The following TECRL variants were observed in gnomAD, a reference collection of about 807,000 sequenced individuals.
TECRL encodes trans-2,3-enoyl-CoA reductase-like.
Under a neutral mutation model 52.8 loss-of-function variants are expected in TECRL, and 63 were observed. That is an observed-to-expected ratio of 1.19 (90% CI 0.97 to 1.47). The LOEUF (loss-of-function observed/expected upper bound fraction) is 1.47, where lower values mean the gene tolerates loss of function less well. Among genes scored for constraint, TECRL ranks in the 40% most tolerant of loss-of-function variants. The pLI, the probability that TECRL is intolerant of heterozygous loss-of-function variation, is 0.00. For missense variants in TECRL, 482 were observed against 429.6 expected, an observed-to-expected ratio of 1.12 and a Z score of -1.08; for synonymous variants, 164 against 141.9, an observed-to-expected ratio of 1.16 and a Z score of -1.10.
intron 2 of TECRL, among the ~76,000 whole-genome samples, chr4:64,345,057 A>G (rs1445182190): frequency 2.0e-5 from 3 of 152,232 alleles, no homozygotes; most frequent in African/African-American, 4.8e-5. Flanking sequence ...TCAGGAAACA[A>G]CAAGTGCTGG....
chr4:64,288,864 C>T (rs1723223167), intron 9 of TECRL, among the ~76,000 whole-genome samples: 1 of 152,190 alleles, frequency 6.6e-6, no homozygotes, highest in African/African-American at 2.4e-5. Context: ...ATGACAGTGT[C>T]TGACTGCCCA....
chr4:64,348,298 A>G (rs1720138648), intron 2 of TECRL, among the ~76,000 whole-genome samples: 1 of 152,190 alleles, frequency 6.6e-6, no homozygotes, highest in Non-Finnish European at 1.5e-5. Flanking sequence ...GCCATTTATG[A>G]AACCATCAGA....
Position 64,299,965 on chromosome 4 carries a change from G to T in TECRL, c.774+9C>A. On this transcript the variant is annotated intron_variant, in intron 8 of 11. Coordinates refer to ENST00000381210, the MANE Select transcript of TECRL (RefSeq NM_001010874.5). ...AGCGTGAATAGCAAAATATATATAT[G>T]ATACATACCAGAAAATTGATAGCAG... 1.9e-6 allele frequency: 3 copies of T among 1,554,732 alleles called. No individual in the cohort carries two copies. The highest frequency in any genetic ancestry group is 1.2e-5 in the South Asian group (1 of 82,852).
rs140325703 is a variant in TECRL at position 64,340,304 on chromosome 4, G to A, written c.287-11748C>T. On this transcript the variant is annotated intron_variant, in intron 2 of 11. Coordinates refer to ENST00000381210, the MANE Select transcript of TECRL (RefSeq NM_001010874.5). ...GAGCAGGCATGACAATCACCCCACC[G>A]AACACAGCTGCAGCCACCCAAATCA... 6.6e-5 allele frequency among the ~76,000 whole-genome samples: 10 copies of A among 152,272 alleles called. 1 individual carries two copies. Among genetic ancestry groups the A allele is most frequent in the South Asian group, 4.2e-4 (2 of 4,818 alleles).
At chr4:64,333,886 C>T (rs563830148) in intron 2 of TECRL, among the ~76,000 whole-genome samples, 3 of 139,454 alleles carry the variant, frequency 2.2e-5, no homozygotes, top group East Asian at 2.0e-4. Flanking sequence ...TAGCCGGGCG[C>T]GGTGGCGGGC....
chr4:64,354,256 G>GA (rs201532606), intron 2 of TECRL, among the ~76,000 whole-genome samples: 1 of 152,036 alleles, frequency 6.6e-6, no homozygotes, highest in East Asian at 1.9e-4. Flanking sequence ...TGAAGTTGTA[G>GA]AAAAAACAAG....
chr4:64,286,890 C>G (rs1317709047), intron 9 of TECRL, among the ~76,000 whole-genome samples: 1 of 152,070 alleles, frequency 6.6e-6, no homozygotes, highest in Non-Finnish European at 1.5e-5. Flanking sequence ...TGCTAGTCAC[C>G]TAGATAAGAC....
chr4:64,340,222 T>C (rs1648863118), intron 2 of TECRL, among the ~76,000 whole-genome samples: 1 of 152,164 alleles, frequency 6.6e-6, no homozygotes, highest in Non-Finnish European at 1.5e-5. Context: ...AGGAGTTCCC[T>C]GGGTTCTACT....
intron 2 of TECRL, among the ~76,000 whole-genome samples, chr4:64,362,449 T>C (rs6843055): frequency 0.9 from 136,335 of 151,690 alleles, 61,920 homozygotes; most frequent in East Asian, 1. Flanking sequence ...ATAAAGGCAG[T>C]TACAGGAAAG....
chr4:64,295,885 A>T (rs1399835177), intron 8 of TECRL, among the ~76,000 whole-genome samples: 1 of 151,972 alleles, frequency 6.6e-6, no homozygotes. Flanking sequence ...ACTAGTTTGC[A>T]AAATAAATTT....
intron 9 of TECRL, among the ~76,000 whole-genome samples, chr4:64,283,320 A>T (rs1187035900): frequency 6.6e-6 from 1 of 152,020 alleles, no homozygotes; most frequent in African/African-American, 2.4e-5. Context: ...CAGAAAACCC[A>T]GCTTACATAG....
intron 2 of TECRL, among the ~76,000 whole-genome samples, chr4:64,359,963 T>G (rs1721056221): frequency 6.6e-6 from 1 of 152,148 alleles, no homozygotes; most frequent in South Asian, 2.1e-4. Context: ...AGTAAGAAAT[T>G]TAAGTGATGT....
At chr4:64,409,458 T>C, upstream of TECRL, 3 of 1,484,968 alleles carry the variant, frequency 2.0e-6, no homozygotes, top group Non-Finnish European at 2.7e-6. Flanking sequence ...GGTCAAATGG[T>C]ATGCCATTCC....
chr4:64,349,490 A>C (rs1167108999), intron 2 of TECRL, among the ~76,000 whole-genome samples: 1 of 152,192 alleles, frequency 6.6e-6, no homozygotes, highest in Non-Finnish European at 1.5e-5. Flanking sequence ...TTGCTTTGAA[A>C]TATGGAAGAG....
At chr4:64,306,959 A>G (rs1212485066) in intron 6 of TECRL, among the ~76,000 whole-genome samples, 2 of 152,294 alleles carry the variant, frequency 1.3e-5, no homozygotes, top group African/African-American at 4.8e-5. Flanking sequence ...CAAGGCAAAG[A>G]TTTGTTTCTG....
intron 6 of TECRL, 57 bp from the exon 7 acceptor site, chr4:64,305,295 A>T (rs1182008193): frequency 6.8e-7 from 1 of 1,472,510 alleles, no homozygotes; most frequent in African/African-American, 1.4e-5. Context: ...ATATATTTCA[A>T]TTGTGACATA....
rs1246185623 is a variant in TECRL, at chr4:64,409,434, G to A, written c.-83C>T. 1 of 1,534,936 alleles carries A rather than the reference G, an allele frequency of 6.5e-7. No homozygotes were observed. The highest frequency in any genetic ancestry group is 2.0e-5 in the Admixed American group (1 of 49,814). ...CTTTTGCATCAGTTAAATACTGCTG[G>A]AGAACCTTTGAAAGGTCAAATGGTA... On this transcript the variant is annotated 5_prime_UTR_variant, in exon 1 of 12. Transcript: ENST00000381210.
chr4:64,378,960 T>C (rs967843538), intron 1 of TECRL, among the ~76,000 whole-genome samples: 4 of 151,946 alleles, frequency 2.6e-5, no homozygotes, highest in Admixed American at 2.6e-4. Flanking sequence ...TATATACATA[T>C]ATATGTATGC....
In TECRL at chr4:64,346,979, C is replaced by G. The variant is rs192131527; in HGVS notation, c.287-18423G>C. 2.0e-5 allele frequency among the ~76,000 whole-genome samples: 3 copies of G among 152,298 alleles called. No homozygotes were observed. The East Asian group carries it at 5.8e-4, about 29-fold the overall frequency. ...TTGAAGCCTGTTCTGTGTGTGCCTA[C>G]GTCTGTACAGTTTCTACCCAGAATT... On this transcript the variant is annotated intron_variant, in intron 2 of 11. Transcript: ENST00000381210.
Sources: gnomAD v4.1 joint callset for allele counts (sites outside exome capture counted in the v4.1 genomes callset) on GRCh38, gnomAD v4.1.1 for gene constraint, MANE v1.5 for transcripts, NCBI Gene and HGNC (gene_info 2026-07-23, HGNC 2026-07-21) for gene names.